GAB4: variants seen among roughly 807,000 people sequenced by gnomAD.
GAB4 encodes GRB2-associated-binding protein 4.
A neutral mutation model predicts 51.3 loss-of-function variants in GAB4; 26 were observed. That is an observed-to-expected ratio of 0.51 (90% confidence interval 0.37 to 0.70). GAB4 has a LOEUF of 0.70. Ranked by LOEUF, GAB4 falls within the 30% of genes least tolerant of loss-of-function variation. The pLI, the probability that GAB4 is intolerant of heterozygous loss-of-function variation, is 0.00. For synonymous variants in GAB4, 329 were observed against 291.2 expected (o/e 1.13, Z -1.32); for missense variants, 759 against 734.6 (o/e 1.03, Z -0.38).
chr22:16,978,945 AAT>A (rs1422951268), intron 3 of GAB4, among the ~76,000 whole-genome samples: 2 of 152,208 alleles, frequency 1.3e-5, no homozygotes, highest in African/African-American at 2.4e-5. Context: ...TGATTATCTC[AAT>A]AGATGCAGAA....
At chr22:16,997,137 A>G (rs2060956759) in intron 1 of GAB4, among the ~76,000 whole-genome samples, 1 of 152,208 alleles carries the variant, frequency 6.6e-6, no homozygotes, top group African/African-American at 2.4e-5. Flanking sequence ...ACAATGATTT[A>G]TAATCCTTTG....
chr22:16,965,264 G>C lies in GAB4; in HGVS notation c.1293C>G (p.Asn431Lys), dbSNP rs1286138536. ...TGTTTCTCAGGTTGGGCGGTGTTGG[G>C]TTGGCTGGAGCAGGAAAAGAACCTT... The part of the protein sequence containing the change: ...NRSLKPNQKA[N>K]PTPPNLRNNR... Residue 431 changes from asparagine (N) to lysine (K), a missense_variant, in exon 7 of 10, where the codon AAC (asparagine) becomes AAG (lysine). Asn to Lys is a moderately conservative substitution (Grantham distance 94, BLOSUM62 0). Coordinates refer to ENST00000400588, the MANE Select transcript of GAB4 (RefSeq NM_001037814.1). 6.2e-7 allele frequency: 1 copy of C among 1,613,632 alleles called. No homozygotes were observed. The highest frequency in any genetic ancestry group is 8.5e-7 in the Non-Finnish European group (1 of 1,179,688).
intron 4 of GAB4, among the ~76,000 whole-genome samples, chr22:16,969,137 G>C (rs1297377828): frequency 6.6e-6 from 1 of 152,212 alleles, no homozygotes; most frequent in African/African-American, 2.4e-5. Context: ...AATGAGAAAA[G>C]AATCTAGGTA....
chr22:16,962,745 G>T lies in GAB4; in HGVS notation c.1713C>A (p.Gly571=), dbSNP rs372257366. 1.2e-6 allele frequency: 2 copies of T among 1,611,044 alleles called. No homozygotes were observed. ...TTGGTGGCCCGAGTCACAGCTTGGC[G>T]CCCCTGGGAGGCTCTGAGGACTGCC... The part of the protein sequence containing the change: ...CLRQSSEPPR[G]AKL Residue 571 remains glycine (G), a synonymous_variant, in exon 10 of 10, where the codon GGC becomes GGA. Coordinates refer to ENST00000400588, the MANE Select transcript of GAB4 (RefSeq NM_001037814.1).
intron 3 of GAB4, among the ~76,000 whole-genome samples, chr22:16,971,080 C>A (rs1160649669): frequency 6.6e-6 from 1 of 151,746 alleles, no homozygotes; most frequent in Non-Finnish European, 1.5e-5. Context: ...GTCCCAGTTA[C>A]TTGGTTGGGA....
intron 1 of GAB4, among the ~76,000 whole-genome samples, chr22:16,999,852 A>G (rs2060982364): frequency 1.3e-5 from 2 of 152,248 alleles, no homozygotes; most frequent in South Asian, 4.1e-4. Flanking sequence ...CTTTGTTCTC[A>G]TTGGTTTCAA....
intron 2 of GAB4, among the ~76,000 whole-genome samples, chr22:16,989,734 G>C (rs2123701806): frequency 6.6e-6 from 1 of 152,352 alleles, no homozygotes; most frequent in African/African-American, 2.4e-5. Context: ...AGCCTGGGAA[G>C]CTCTGCTGAG....
intron 1 of GAB4, among the ~76,000 whole-genome samples, chr22:17,003,689 G>A (rs185136412): frequency 1.3e-4 from 20 of 152,122 alleles, no homozygotes; most frequent in Non-Finnish European, 1.5e-4. Context: ...AGTGTTTAGA[G>A]GGAAATGTAT....
chr22:16,979,852 A>G (rs1017194529), intron 3 of GAB4, among the ~76,000 whole-genome samples: 1 of 152,136 alleles, frequency 6.6e-6, no homozygotes, highest in Non-Finnish European at 1.5e-5. Context: ...CTCAGAAATC[A>G]CCACACATCT....
intron 1 of GAB4, among the ~76,000 whole-genome samples, chr22:16,995,433 T>C (rs1165552257): frequency 1.3e-5 from 2 of 152,208 alleles, no homozygotes; most frequent in Non-Finnish European, 2.9e-5. Context: ...GAGCACAGCG[T>C]ATCTCCCAGC....
At chr22:16,971,517 T>C (rs1381313827) in intron 3 of GAB4, among the ~76,000 whole-genome samples, 3 of 152,262 alleles carry the variant, frequency 2.0e-5, no homozygotes, top group African/African-American at 2.4e-5. Context: ...CTATCTTTTA[T>C]ATTATTATTC....
intron 2 of GAB4, among the ~76,000 whole-genome samples, chr22:16,989,518 C>T (rs1180715792): frequency 6.6e-6 from 1 of 152,228 alleles, no homozygotes; most frequent in East Asian, 1.9e-4. Flanking sequence ...GGAAAGATGG[C>T]TCCACTTACA....
chr22:17,003,167 C>T (rs1354921457), intron 1 of GAB4, among the ~76,000 whole-genome samples: 2 of 152,116 alleles, frequency 1.3e-5, no homozygotes, highest in Admixed American at 6.5e-5. Flanking sequence ...ACAGGGGCAC[C>T]CAGATTCATA....
At chr22:16,963,399 T>C (rs2060644913) in intron 9 of GAB4, among the ~76,000 whole-genome samples, 1 of 151,808 alleles carries the variant, frequency 6.6e-6, no homozygotes, top group Admixed American at 6.6e-5. Flanking sequence ...ACACAGTGAG[T>C]TCTCCTCACA....
intron 1 of GAB4, among the ~76,000 whole-genome samples, chr22:16,996,905 T>C (rs926838069): frequency 1.3e-4 from 20 of 148,310 alleles, no homozygotes; most frequent in Non-Finnish European, 2.1e-4. Flanking sequence ...AGTGAGAACA[T>C]GCGGTGTTTG....
chr22:16,997,393 A>T (rs546661760), intron 1 of GAB4, among the ~76,000 whole-genome samples: 1 of 152,342 alleles, frequency 6.6e-6, no homozygotes, highest in South Asian at 2.1e-4. Flanking sequence ...TCTGATGGCC[A>T]GTGATGATGA....
At chr22:16,963,584 C>T (rs2123632728) in intron 9 of GAB4, 141 bp downstream of exon 9, 1 of 658,774 alleles carries the variant, frequency 1.5e-6, no homozygotes. Context: ...CAGATCAGAG[C>T]ACCACTGAGC....
chr22:16,992,260 T>C (rs1456831776), intron 1 of GAB4, 84 bp from the exon 2 acceptor site: 1 of 1,246,836 alleles, frequency 8.0e-7, no homozygotes. Flanking sequence ...AAGTTAAGGA[T>C]GGGACTCGGA....
At chr22:16,976,283 A>G (rs1206853238) in intron 3 of GAB4, among the ~76,000 whole-genome samples, 1 of 152,244 alleles carries the variant, frequency 6.6e-6, no homozygotes, top group Non-Finnish European at 1.5e-5. Flanking sequence ...AAAAGGTTAC[A>G]GGAACTGCTA....
Sources: gnomAD v4.1 joint callset for allele counts (sites outside exome capture counted in the v4.1 genomes callset) on GRCh38, gnomAD v4.1.1 for gene constraint, MANE v1.5 for transcripts, NCBI Gene and HGNC (gene_info 2026-07-23, HGNC 2026-07-21) for gene names.